The following GLB1L3 variants were observed in gnomAD, a reference collection of about 807,000 sequenced individuals.
GLB1L3 encodes the protein galactosidase beta 1 like 3.
Under a neutral mutation model 89.5 loss-of-function variants are expected in GLB1L3, and 89 were observed. That is an observed-to-expected ratio of 0.99 (90% CI 0.84 to 1.19). The LOEUF is 1.19. Among genes scored for constraint, GLB1L3 ranks in the 50% most tolerant of loss-of-function variants. The pLI, the probability that GLB1L3 is intolerant of heterozygous loss-of-function variation, is 0.00. For missense variants in GLB1L3, 812 were observed against 813.3 expected, an observed-to-expected ratio of 1.00 and a Z score of 0.02; for synonymous variants, 314 against 312.3, an observed-to-expected ratio of 1.01 and a Z score of -0.06.
In GLB1L3 at chr11:134,281,386, G is replaced by C. The variant is rs199664947; in HGVS notation, c.372G>C (p.Pro124=). ...CGFNTVTTYV[P]WNLHEPERGK... is the part of the protein sequence containing the mutation. ...CTCTCACCTCTTCTAGCTATGTTCC[G>C]TGGAACCTGCATGAGCCAGAAAGAG... is the stretch of plus-strand genomic sequence containing the variant. Residue 124 remains proline (P), a synonymous_variant, in exon 4 of 20, where the codon CCG becomes CCC. Transcript: ENST00000431683. 70 of 1,614,164 alleles carry C rather than the reference G, an allele frequency of 4.3e-5. No homozygotes were observed. The Admixed American group carries it at 5.0e-4, about 12-fold the overall frequency.
intron 9 of GLB1L3, chr11:134,304,995 C>G (rs774695341): frequency 1.3e-5 from 14 of 1,080,708 alleles, no homozygotes; most frequent in East Asian, 2.8e-5. Flanking sequence ...AGCCCGCATG[C>G]GACTGCGCTA....
At chr11:134,301,717 A>G (rs1384608564) in intron 9 of GLB1L3, among the ~76,000 whole-genome samples, 2 of 151,654 alleles carry the variant, frequency 1.3e-5, no homozygotes, top group African/African-American at 2.4e-5. Context: ...TTTTATCTGT[A>G]TGTTTTATTA....
chr11:134,279,255 G>A (rs1023399032), intron 3 of GLB1L3, among the ~76,000 whole-genome samples: 1 of 151,892 alleles, frequency 6.6e-6, no homozygotes. Flanking sequence ...GTTTGGGGAC[G>A]ACATAGCTCT....
intron 9 of GLB1L3, among the ~76,000 whole-genome samples, chr11:134,294,085 A>C (rs1165779589): frequency 6.7e-6 from 1 of 150,270 alleles, no homozygotes; most frequent in Non-Finnish European, 1.5e-5. Flanking sequence ...TTTTTTTTTG[A>C]GACAGAGTCT....
intron 9 of GLB1L3, among the ~76,000 whole-genome samples, chr11:134,300,518 T>C (rs1030907308): frequency 3.3e-5 from 5 of 151,996 alleles, no homozygotes; most frequent in African/African-American, 1.2e-4. Flanking sequence ...GTATTTTTAG[T>C]AGAGACGGGG....
chr11:134,308,193 C>T (rs866362999), intron 10 of GLB1L3, among the ~76,000 whole-genome samples: 4 of 102,122 alleles, frequency 3.9e-5, no homozygotes, highest in East Asian at 3.2e-4. Context: ...ACCATCATCA[C>T]CATCACCACT....
chr11:134,300,300 A>G (rs562454319), intron 9 of GLB1L3, among the ~76,000 whole-genome samples: 4 of 149,736 alleles, frequency 2.7e-5, no homozygotes, highest in Admixed American at 2.0e-4. Flanking sequence ...GACACCAGAC[A>G]TATTGGATTA....
intron 9 of GLB1L3, 43 bp downstream of exon 9, chr11:134,293,252 C>T (rs1941459692): frequency 6.8e-7 from 1 of 1,469,292 alleles, no homozygotes; most frequent in Admixed American, 1.7e-5. Context: ...CTCCTCCTAC[C>T]ATGACCTCCC....
chr11:134,323,790 T>C (rs1309921363), downstream of GLB1L3, among the ~76,000 whole-genome samples: 2 of 152,222 alleles, frequency 1.3e-5, no homozygotes, highest in African/African-American at 2.4e-5. Context: ...ATTAAGCCTT[T>C]TTTTTTCTTT....
downstream of GLB1L3, among the ~76,000 whole-genome samples, chr11:134,323,384 CACACACACACGT>C (rs1565428264): frequency 1.1e-4 from 10 of 92,096 alleles, no homozygotes; most frequent in African/African-American, 3.0e-4. Context: ...CGTGCGCACA[CACACACACACGT>C]ACACACACAC....
At chr11:134,276,959 C>G (rs1330941217) in intron 1 of GLB1L3, among the ~76,000 whole-genome samples, 196 bp downstream of exon 1, 1 of 152,220 alleles carries the variant, frequency 6.6e-6, no homozygotes, top group Admixed American at 6.5e-5. Flanking sequence ...GGCCGTTCAC[C>G]AGATGCCAGA....
chr11:134,302,533 T>A (rs1411578493), intron 9 of GLB1L3, among the ~76,000 whole-genome samples: 1 of 152,186 alleles, frequency 6.6e-6, no homozygotes, highest in Non-Finnish European at 1.5e-5. Flanking sequence ...AAAAATCTAA[T>A]GATCTTAAAG....
At chr11:134,290,579 C>CAAAAAAAAAAA (rs71038572) in intron 7 of GLB1L3, among the ~76,000 whole-genome samples, 1 of 117,094 alleles carries the variant, frequency 8.5e-6, no homozygotes, top group African/African-American at 3.3e-5. Flanking sequence ...CCCCCCCCGC[C>CAAAAAAAAAAA]AAAAAAAAAG....
At chr11:134,313,526 C>T in intron 16 of GLB1L3, 52 bp downstream of exon 16, 2 of 1,228,350 alleles carry the variant, frequency 1.6e-6, no homozygotes, top group South Asian at 1.3e-5. Context: ...AAGACCCGGG[C>T]TATGCACTGG....
At chr11:134,293,269 A>G (rs377060827) in intron 9 of GLB1L3, 60 bp downstream of exon 9, 82 of 1,343,818 alleles carry the variant, frequency 6.1e-5, no homozygotes, top group Middle Eastern at 3.6e-4. Context: ...TCCCTTGCCT[A>G]TGTAGCTGGT....
intron 14 of GLB1L3, 141 bp downstream of exon 14, chr11:134,312,630 A>G (rs528708246): frequency 3.5e-6 from 4 of 1,156,168 alleles, no homozygotes; most frequent in Non-Finnish European, 4.9e-6. Context: ...AGTCAGGCCA[A>G]ATAGACTTGC....
chr11:134,295,443 GTGTT>G (rs1167763319), intron 9 of GLB1L3, among the ~76,000 whole-genome samples: 2 of 152,090 alleles, frequency 1.3e-5, no homozygotes, highest in African/African-American at 4.8e-5. Context: ...TCCTCTTAAT[GTGTT>G]TGTTGTCATA....
intron 15 of GLB1L3, 101 bp from the exon 16 acceptor site, chr11:134,313,295 C>T (rs890869031): frequency 3.6e-6 from 3 of 825,042 alleles, no homozygotes; most frequent in Non-Finnish European, 2.0e-6. Context: ...GCCTCCTGTT[C>T]TCCCATGTGT....
At position 134,277,734 on chromosome 11, in the gene GLB1L3, A is replaced by T; in HGVS notation, c.184A>T (p.Lys62Ter). ...GTCTCATCTGACCCCTCTGGAGCTGAAGAATCGATCTGTGGGACTTGGAAC... is the reference window on the plus strand; with the variant it reads ...GTCTCATCTGACCCCTCTGGAGCTGTAGAATCGATCTGTGGGACTTGGAAC... ...NWSHLTPLEL[K>*]NRSVGLGTES... Residue 62 changes from lysine to a stop codon, truncating the protein, a stop_gained, in exon 3 of 20, where the codon AAG becomes TAG. Transcript: ENST00000431683. LOFTEE classifies it high-confidence loss of function. 6.2e-7 allele frequency: 1 copy of T among 1,612,728 alleles called. No individual in the cohort carries two copies. The highest frequency in any genetic ancestry group is 1.1e-5 in the South Asian group (1 of 90,722).
Sources: allele counts gnomAD v4.1 joint callset (sites outside exome capture counted in the v4.1 genomes callset), GRCh38; gene constraint gnomAD v4.1.1; transcripts MANE v1.5; gene names NCBI Gene and HGNC (gene_info 2026-07-23, HGNC 2026-07-21).